Variants in EFR3B observed in about 807,000 individuals in gnomAD.
EFR3B encodes the protein EFR3 homolog B, also known as protein EFR3 homolog B.
A neutral mutation model predicts 104.7 loss-of-function variants in EFR3B; 64 were observed. That is an observed-to-expected ratio of 0.61 (90% CI 0.50 to 0.75). The LOEUF (loss-of-function observed/expected upper bound fraction) is 0.75. Among genes scored for constraint, EFR3B ranks in the 30% least tolerant of loss-of-function variants. The pLI, the probability that EFR3B is intolerant of heterozygous loss-of-function variation, is 0.00. For missense variants in EFR3B, 750 were observed against 1,078.5 expected (o/e 0.70, Z 4.27); for synonymous variants, 385 against 417.9 (o/e 0.92, Z 0.96).
In EFR3B at chr2:25,156,732, T is replaced by G. The variant is rs1313156054; in HGVS notation, c.*2392T>G. On this transcript the variant is annotated 3_prime_UTR_variant, in exon 23 of 23. Transcript: ENST00000403714. Reference sequence around the variant, plus strand: ...AATTTTACAAGCATGAACTTAGACTTCTCTTTAGTATTTATATATTTAAAA... The same window carrying G: ...AATTTTACAAGCATGAACTTAGACTGCTCTTTAGTATTTATATATTTAAAA... 1 of 152,188 alleles carries G rather than the reference T, an allele frequency of 6.6e-6. No individual in the cohort carries two copies. The highest frequency in any genetic ancestry group is 1.9e-4 in the East Asian group (1 of 5,206). The allele number at this position is 152,188 out of a possible 1,614,324, so 9.4% of individuals were successfully genotyped here. A position where few individuals can be genotyped will look rare whatever the true frequency, so the allele number is the denominator to read the frequency against.
At chr2:25,151,784 C>A (rs920817226) in intron 20 of EFR3B, 130 bp from the exon 21 acceptor site, 3 of 997,138 alleles carry the variant, frequency 3.0e-6, no homozygotes, top group Non-Finnish European at 1.4e-6. Context: ...CGCACCTCCA[C>A]GCCACTGTCC....
intron 22 of EFR3B, 63 bp downstream of exon 22, chr2:25,153,824 C>T: frequency 6.8e-7 from 1 of 1,474,828 alleles, no homozygotes; most frequent in South Asian, 1.2e-5. Context: ...GTTCCTCATC[C>T]TGAGTCCTCT....
chr2:25,150,311 AAAAAAAAAGGC>A (rs1377844086), intron 20 of EFR3B, among the ~76,000 whole-genome samples: 4 of 151,950 alleles, frequency 2.6e-5, no homozygotes, highest in Admixed American at 6.6e-5. Context: ...AAAAAAAAAA[AAAAAAAAAGGC>A]AATCAGTTGA....
intron 1 of EFR3B, among the ~76,000 whole-genome samples, chr2:25,073,200 G>T (rs1001183859): frequency 6.6e-6 from 1 of 152,094 alleles, no homozygotes; most frequent in Non-Finnish European, 1.5e-5. Context: ...GCACACACTC[G>T]GTGTTTTGCT....
At chr2:25,099,298 G>A (rs1365232220) in intron 3 of EFR3B, among the ~76,000 whole-genome samples, 3 of 152,032 alleles carry the variant, frequency 2.0e-5, no homozygotes, top group African/African-American at 4.8e-5. Flanking sequence ...GGTCTCTGAA[G>A]GGCGAGGCTG....
At chr2:25,078,338 T>C (rs1369593206) in intron 1 of EFR3B, among the ~76,000 whole-genome samples, 2 of 152,252 alleles carry the variant, frequency 1.3e-5, no homozygotes, top group African/African-American at 4.8e-5. Context: ...GATTTTATTG[T>C]AAATTGTTTA....
chr2:25,139,302 G>C, intron 16 of EFR3B, 112 bp downstream of exon 16: 1 of 1,314,792 alleles, frequency 7.6e-7, no homozygotes, highest in Non-Finnish European at 1.0e-6. Context: ...GTGAAGACAG[G>C]GTTGAAGTAA....
intron 17 of EFR3B, among the ~76,000 whole-genome samples, chr2:25,141,888 G>A (rs1367200364): frequency 6.6e-6 from 1 of 152,196 alleles, no homozygotes; most frequent in Non-Finnish European, 1.5e-5. Flanking sequence ...CCATACAGTA[G>A]ACAATCATGA....
intron 3 of EFR3B, 40 bp downstream of exon 3, chr2:25,093,170 C>T: frequency 6.5e-7 from 1 of 1,547,308 alleles, no homozygotes; most frequent in Non-Finnish European, 8.7e-7. Context: ...TTGTCAGGAA[C>T]TATATTGTTA....
intron 3 of EFR3B, among the ~76,000 whole-genome samples, chr2:25,101,183 G>C (rs1669422547): frequency 6.6e-6 from 1 of 152,178 alleles, no homozygotes; most frequent in East Asian, 1.9e-4. Context: ...TGCTCCATGA[G>C]GTCATTCAGG....
intron 1 of EFR3B, among the ~76,000 whole-genome samples, chr2:25,051,499 C>T (rs1667867381): frequency 6.6e-6 from 1 of 152,126 alleles, no homozygotes; most frequent in South Asian, 2.1e-4. Context: ...AGGAGGCCAT[C>T]TGGTCACACT....
chr2:25,084,048 G>A (rs1668881891), intron 1 of EFR3B, among the ~76,000 whole-genome samples: 1 of 150,600 alleles, frequency 6.6e-6, no homozygotes, highest in African/African-American at 2.4e-5. Flanking sequence ...GATTTTTGGG[G>A]TTCAGATTCT....
intron 4 of EFR3B, among the ~76,000 whole-genome samples, chr2:25,109,600 T>C (rs1669663711): frequency 6.6e-6 from 1 of 152,128 alleles, no homozygotes; most frequent in Non-Finnish European, 1.5e-5. Flanking sequence ...TCACAAGAGC[T>C]GAAAGGTAGA....
At chr2:25,067,613 T>G (rs1668375196) in intron 1 of EFR3B, among the ~76,000 whole-genome samples, 1 of 151,940 alleles carries the variant, frequency 6.6e-6, no homozygotes, top group Admixed American at 6.6e-5. Flanking sequence ...TTTTTTATTT[T>G]TAGTAGAGAC....
intron 6 of EFR3B, among the ~76,000 whole-genome samples, chr2:25,129,319 CGGG>C (rs1357670015): frequency 4.7e-5 from 1 of 21,504 alleles, no homozygotes; most frequent in Non-Finnish European, 1.0e-4. Context: ...CTCGGGTCGA[CGGG>C]GGCGGGGGCG....
chr2:25,112,220 G>A (rs497567), intron 4 of EFR3B, among the ~76,000 whole-genome samples: 55,961 of 152,238 alleles, frequency 0.37, 12,321 homozygotes, highest in Admixed American at 0.53. Flanking sequence ...AACGGCCCAA[G>A]GCATGGGGCT....
intron 1 of EFR3B, among the ~76,000 whole-genome samples, chr2:25,087,428 T>C (rs573642256): frequency 2.6e-5 from 4 of 151,924 alleles, no homozygotes; most frequent in Non-Finnish European, 5.9e-5. Flanking sequence ...CTACAAATAC[T>C]TTCTCCTAGT....
intron 1 of EFR3B, among the ~76,000 whole-genome samples, chr2:25,072,478 C>G (rs1668525284): frequency 6.6e-6 from 1 of 152,082 alleles, no homozygotes; most frequent in African/African-American, 2.4e-5. Flanking sequence ...GACAGAATTT[C>G]ACTATGTTGC....
At chr2:25,090,710 G>T (rs567273109) in intron 1 of EFR3B, among the ~76,000 whole-genome samples, 1 of 152,180 alleles carries the variant, frequency 6.6e-6, no homozygotes, top group Non-Finnish European at 1.5e-5. Flanking sequence ...AATCGTTGAT[G>T]ATGATGTTAA....
Sources: allele counts gnomAD v4.1 joint callset (sites outside exome capture counted in the v4.1 genomes callset), GRCh38; gene constraint gnomAD v4.1.1; transcripts MANE v1.5; gene names NCBI Gene and HGNC (gene_info 2026-07-23, HGNC 2026-07-21).